The following WBP1 variants were observed in gnomAD, a reference collection of about 807,000 sequenced individuals.
WBP1 encodes the protein WW domain-binding protein 1.
In WBP1, 18 loss-of-function variants were observed where a neutral mutation model predicts 25.6. The ratio of observed to expected loss-of-function variants is 0.70; its 90% CI spans 0.49 to 1.04. WBP1 has a LOEUF of 1.04. Ranked by LOEUF, WBP1 falls within the 50% of genes least tolerant of loss-of-function variation. The pLI is 0.00. For missense variants in WBP1, 330 were observed against 352.9 expected (o/e 0.94, Z 0.52); for synonymous variants, 122 against 137.7 (o/e 0.89, Z 0.80).
Position 74,460,742 on chromosome 2 carries a change from T to G in WBP1, c.*61T>G. On this transcript the variant is annotated 3_prime_UTR_variant, in exon 4 of 4. Transcript: ENST00000233615. Reference sequence around the variant, plus strand: ...CAGAAACAGCCCTAGTCCCAACTCCTTGCGTTCCTTTGGCCCCTCCCTGCC... The same window carrying G: ...CAGAAACAGCCCTAGTCCCAACTCCGTGCGTTCCTTTGGCCCCTCCCTGCC... 2.9e-6 allele frequency: 4 copies of G among 1,392,788 alleles called. No homozygotes were observed. The highest frequency in any genetic ancestry group is 3.9e-6 in the Non-Finnish European group (4 of 1,032,892). The allele number at this position is 1,392,788 out of a possible 1,614,324, so 86.3% of individuals were successfully genotyped here.
At chr2:74,459,480 C>T in intron 1 of WBP1, 163 bp from the exon 2 acceptor site, 2 of 677,662 alleles carry the variant, frequency 3.0e-6, no homozygotes, top group Non-Finnish European at 5.2e-6. Flanking sequence ...GTTGACAGCC[C>T]TTCAGATATT....
At chr2:74,459,344 T>TGGGGTTTGGGGGGTG in intron 1 of WBP1, 1 of 241,906 alleles carries the variant, frequency 4.1e-6, no homozygotes, top group East Asian at 7.8e-5. Flanking sequence ...GTAGGGGGGT[T>TGGGGTTTGGGGGGTG]GGGGAGAGTG....
In WBP1 at chr2:74,460,582, G is replaced by A. The variant is rs751221957; in HGVS notation, c.711G>A (p.Leu237=). Residue 237 remains leucine (L), a synonymous_variant, in exon 4 of 4, where the codon CTG becomes CTA. Coordinates refer to ENST00000233615, the MANE Select transcript of WBP1 (RefSeq NM_012477.4). ...PVKEVRVSAT[L]PDLEDYSPCA... is the part of the protein sequence containing the mutation. ...AGGAGGTGAGGGTTAGTGCCACCCTGCCAGATCTGGAGGACTACTCCCCGT... is the reference window on the plus strand; with the variant it reads ...AGGAGGTGAGGGTTAGTGCCACCCTACCAGATCTGGAGGACTACTCCCCGT... The A allele has an allele frequency of 6.2e-7, 1 of 1,613,350 alleles. No individual in the cohort carries two copies. The highest frequency in any genetic ancestry group is 1.1e-5 in the South Asian group (1 of 91,032).
At position 74,459,860 on chromosome 2, in the gene WBP1, T is replaced by C. The variant is rs1326248496; in HGVS notation, c.173-13T>C. 1 of 1,613,204 alleles carries C rather than the reference T, an allele frequency of 6.2e-7. No individual in the cohort carries two copies. Among genetic ancestry groups the C allele is most frequent in the Admixed American group, 1.7e-5 (1 of 59,986 alleles). ...GAAAGATGCCTGAGTTGCTCCCTCC[T>C]TGCCTCTTGCAGGGTTCTGGCTGCT... On this transcript the variant is annotated splice_polypyrimidine_tract_variant and intron_variant, in intron 2 of 3. Transcript: ENST00000233615.
intron 1 of WBP1, 160 bp downstream of exon 1, chr2:74,458,831 G>C (rs1290204522): frequency 6.5e-7 from 1 of 1,538,642 alleles, no homozygotes; most frequent in East Asian, 2.5e-5. Context: ...TTGTAACGTA[G>C]ATGCAGCTGA....
chr2:74,460,420 C>T lies in WBP1; in HGVS notation c.549C>T (p.Pro183=), dbSNP rs201308898. The T allele has an allele frequency of 2.5e-5, 40 of 1,613,886 alleles. No homozygotes were observed. The Admixed American group carries it at 6.3e-4, about 26-fold the overall frequency. ...GTGTTTCCTCCCACCAGAGTGCCCC[C>T]CCTCATCAGGAGGGTGAGCCCGGGG... is the stretch of plus-strand genomic sequence containing the variant. The part of the protein sequence containing the change: ...VEGVSSHQSA[P]PHQEGEPGAG... The change falls in exon 4 of 4, where the codon CCC becomes CCT. Residue 183 remains proline, a synonymous_variant. Transcript: ENST00000233615.
At chr2:74,459,358 C>T in intron 1 of WBP1, 1 of 636,562 alleles carries the variant, frequency 1.6e-6, no homozygotes, top group Non-Finnish European at 2.8e-6. Flanking sequence ...GAGAGTGAGG[C>T]TTGAGTGTGA....
In WBP1 at chr2:74,459,877, C is replaced by A. The variant is rs966527913; in HGVS notation, c.177C>A (p.Phe59Leu). 1 of 1,613,746 alleles carries A rather than the reference C, an allele frequency of 6.2e-7. No homozygotes were observed. The highest frequency in any genetic ancestry group is 8.5e-7 in the Non-Finnish European group (1 of 1,179,674). Reference sequence around the variant, plus strand: ...CTCCCTCCTTGCCTCTTGCAGGGTTCTGGCTGCTCTGGACTGTCCTCATCC... The same window carrying A: ...CTCCCTCCTTGCCTCTTGCAGGGTTATGGCTGCTCTGGACTGTCCTCATCC... ...CCTYYYELWW[F>L]WLLWTVLILF... The change falls in exon 3 of 4, where the codon TTC (phenylalanine) becomes TTA (leucine). Residue 59 changes from phenylalanine to leucine, a missense_variant. Physicochemically the swap from Phe to Leu is conservative, Grantham distance 22. Coordinates refer to ENST00000233615, the MANE Select transcript of WBP1 (RefSeq NM_012477.4).
Position 74,460,715 on chromosome 2 carries a change from A to G in WBP1, c.*34A>G. 1 of 1,510,284 alleles carries G rather than the reference A, an allele frequency of 6.6e-7. No individual in the cohort carries two copies. The highest frequency in any genetic ancestry group is 2.1e-5 in the Admixed American group (1 of 47,782). The allele number at this position is 1,510,284 out of a possible 1,614,324, so 93.6% of individuals were successfully genotyped here. A position where few individuals can be genotyped will look rare whatever the true frequency, so the allele number is the denominator to read the frequency against. ...GAGAGGGTGGATGGGTTACTTGCCC[A>G]CCAGAAACAGCCCTAGTCCCAACTC... On this transcript the variant is annotated 3_prime_UTR_variant, in exon 4 of 4. Coordinates refer to ENST00000233615, the MANE Select transcript of WBP1 (RefSeq NM_012477.4).
rs373948049 is a variant in WBP1 at position 74,460,730 on chromosome 2, A to G, written c.*49A>G. ...TTACTTGCCCACCAGAAACAGCCCT[A>G]GTCCCAACTCCTTGCGTTCCTTTGG... On this transcript the variant is annotated 3_prime_UTR_variant, in exon 4 of 4. Transcript: ENST00000233615. The G allele has an allele frequency of 5.4e-5, 79 of 1,466,638 alleles. No homozygotes were observed. The highest frequency in any genetic ancestry group is 7.1e-5 in the Non-Finnish European group (77 of 1,089,516). The allele number at this position is 1,466,638 out of a possible 1,614,324, so 90.9% of individuals were successfully genotyped here.
chr2:74,458,969 T>G, intron 1 of WBP1: 7 of 1,550,662 alleles, frequency 4.5e-6, no homozygotes, highest in Non-Finnish European at 6.1e-6. Flanking sequence ...ATTTGTGATC[T>G]TTTTCTATGT....
rs896047414 is a variant in WBP1, at chr2:74,460,847, A to G, written c.*166A>G. 1.5e-6 allele frequency: 1 copy of G among 659,950 alleles called. No individual in the cohort carries two copies. The highest frequency in any genetic ancestry group is 2.6e-6 in the Non-Finnish European group (1 of 383,108). The allele number at this position is 659,950 out of a possible 1,614,324, so 40.9% of individuals were successfully genotyped here. ...AGCTTTACCCCCGCAGGACATACAC[A>G]GGAGCCTTTGATCTCATTAAAGAGA... is the stretch of plus-strand genomic sequence containing the variant. On this transcript the variant is annotated 3_prime_UTR_variant, in exon 4 of 4. Transcript: ENST00000233615.
rs1466578460 is a variant in WBP1 at position 74,460,784 on chromosome 2, G to GA, written c.*106dup. ...CTCCCTGCCTACCTAGAATCTGCCT[G>GA]AAAGGGCTGGAGAGGGGCAGTATTG... On this transcript the variant is annotated 3_prime_UTR_variant, in exon 4 of 4. Transcript: ENST00000233615. The GA allele has an allele frequency of 9.3e-6, 10 of 1,069,926 alleles. No individual in the cohort carries two copies. Among genetic ancestry groups the GA allele is most frequent in the Non-Finnish European group, 1.2e-5 (9 of 750,728 alleles). 66.3% of individuals were successfully genotyped at this position (1,069,926 alleles called of 1,614,324 possible). A position where few individuals can be genotyped will look rare whatever the true frequency, so the allele number is the denominator to read the frequency against.
chr2:74,459,421 TTTGTC>T (rs1671822134), intron 1 of WBP1: 10 of 630,030 alleles, frequency 1.6e-5, no homozygotes, highest in South Asian at 4.0e-5. Context: ...TGTCCACACT[TTTGTC>T]TTGTTCTCTA....
intron 1 of WBP1, 171 bp downstream of exon 1, chr2:74,458,842 C>T (rs568440444): frequency 6.6e-5 from 102 of 1,542,438 alleles, no homozygotes; most frequent in Non-Finnish European, 8.9e-5. Context: ...ATGCAGCTGA[C>T]TTTGCCTGTA....
rs1192488622 is a variant in WBP1, at chr2:74,459,915, G to A, written c.215G>A (p.Cys72Tyr). 6.2e-7 allele frequency: 1 copy of A among 1,614,194 alleles called. No homozygotes were observed. Among genetic ancestry groups the A allele is most frequent in the South Asian group, 1.1e-5 (1 of 91,090 alleles). Residue 72 changes from cysteine to tyrosine, a missense_variant, in exon 3 of 4, where the codon TGT becomes TAT. Coordinates refer to ENST00000233615, the MANE Select transcript of WBP1 (RefSeq NM_012477.4). Reference protein sequence around the residue: ...LWTVLILFSCCCAFRHRRAKL... With the variant: ...LWTVLILFSCYCAFRHRRAKL... ...ACTGTCCTCATCCTCTTTAGCTGCT[G>A]TTGCGCCTTCCGCCACCGACGAGCT...
Position 74,459,754 on chromosome 2 carries a change from C to G in WBP1, c.172+9C>G. 1.9e-6 allele frequency: 3 copies of G among 1,614,162 alleles called. No individual in the cohort carries two copies. The highest frequency in any genetic ancestry group is 1.7e-6 in the Non-Finnish European group (2 of 1,180,002). ...CTACTATGAGCTCTGGTGTAAGTCTCCAAGAGGGCTATTTCCAGGTCCCTG... is the reference window on the plus strand; with the variant it reads ...CTACTATGAGCTCTGGTGTAAGTCTGCAAGAGGGCTATTTCCAGGTCCCTG... On this transcript the variant is annotated intron_variant, in intron 2 of 3. Transcript: ENST00000233615.
chr2:74,459,342 G>GTTGGGGGGT, intron 1 of WBP1: 1 of 474,106 alleles, frequency 2.1e-6, no homozygotes, highest in East Asian at 4.1e-5. Context: ...GGGTAGGGGG[G>GTTGGGGGGT]TTGGGGAGAG....
rs554124228 is a variant in WBP1 at position 74,460,598 on chromosome 2, T to G, written c.727T>G (p.Tyr243Asp). The change falls in exon 4 of 4, where the codon TAC (tyrosine) becomes GAC (aspartate). Residue 243 changes from tyrosine (Y) to aspartate (D), a missense_variant. Coordinates refer to ENST00000233615, the MANE Select transcript of WBP1 (RefSeq NM_012477.4). ...VSATLPDLED[Y>D]SPCALPPESV... Reference sequence around the variant, plus strand: ...TGCCACCCTGCCAGATCTGGAGGACTACTCCCCGTGTGCACTACCCCCAGA... The same window carrying G: ...TGCCACCCTGCCAGATCTGGAGGACGACTCCCCGTGTGCACTACCCCCAGA... 19 of 1,613,238 alleles carry G rather than the reference T, an allele frequency of 1.2e-5. No individual in the cohort carries two copies. The East Asian group carries it at 4.2e-4, about 36-fold the overall frequency.
Sources: gnomAD v4.1 joint callset for allele counts on GRCh38, gnomAD v4.1.1 for gene constraint, MANE v1.5 for transcripts, NCBI Gene and HGNC (gene_info 2026-07-23, HGNC 2026-07-21) for gene names.